The following LMTK2 variants were observed in gnomAD, a reference collection of about 807,000 sequenced individuals.
The protein encoded by LMTK2 is lemur tail kinase 2, also known as serine/threonine-protein kinase LMTK2.
LMTK2 carries 37 observed loss-of-function variants against 127.5 expected under a neutral mutation model. That is an observed-to-expected ratio of 0.29 (90% CI 0.22 to 0.38). The LOEUF is 0.38. Among genes scored for constraint, LMTK2 ranks in the 10% least tolerant of loss-of-function variants. LMTK2 has a pLI of 1.00. For missense variants in LMTK2, 1,694 were observed against 1,920.3 expected (o/e 0.88, Z 2.20); for synonymous variants, 819 against 810.1 (o/e 1.01, Z -0.19).
intron 1 of LMTK2, among the ~76,000 whole-genome samples, chr7:98,110,976 A>G (rs1184780659): frequency 2.0e-5 from 3 of 152,264 alleles, no homozygotes; most frequent in Non-Finnish European, 4.4e-5. Flanking sequence ...TGTGTTTAAC[A>G]GCCTCTGGGA....
At chr7:98,180,104 A>T (rs1428309542) in intron 7 of LMTK2, among the ~76,000 whole-genome samples, 7 of 137,586 alleles carry the variant, frequency 5.1e-5, no homozygotes, top group African/African-American at 2.5e-4. Context: ...CTTGTGAAGT[A>T]AGTATTTTTT....
intron 4 of LMTK2, among the ~76,000 whole-genome samples, 155 bp downstream of exon 4, chr7:98,151,610 G>A (rs751803781): frequency 1.6e-4 from 25 of 152,250 alleles, no homozygotes; most frequent in Non-Finnish European, 2.9e-4. Context: ...GCGTGGGGGC[G>A]TGAGCTTCAG....
intron 1 of LMTK2, among the ~76,000 whole-genome samples, chr7:98,136,854 G>A (rs1054669257): frequency 5.3e-5 from 8 of 152,230 alleles, no homozygotes; most frequent in Non-Finnish European, 1.2e-4. Flanking sequence ...TATGAAATGC[G>A]AGGAAAGACG....
At chr7:98,199,861 C>T (rs547399539) in intron 11 of LMTK2, among the ~76,000 whole-genome samples, 1 of 152,148 alleles carries the variant, frequency 6.6e-6, no homozygotes, top group Non-Finnish European at 1.5e-5. Flanking sequence ...CTACCTGTAT[C>T]ATTATATTTG....
intron 4 of LMTK2, among the ~76,000 whole-genome samples, chr7:98,152,410 G>A (rs565246564): frequency 6.6e-5 from 10 of 152,176 alleles, no homozygotes; most frequent in Non-Finnish European, 1.2e-4. Flanking sequence ...TCCCTTCAGC[G>A]TTGTCTGTAT....
chr7:98,152,148 G>A (rs1015044459), intron 4 of LMTK2, among the ~76,000 whole-genome samples: 1 of 152,122 alleles, frequency 6.6e-6, no homozygotes, highest in Non-Finnish European at 1.5e-5. Context: ...TGTAAATACA[G>A]TCTTACAATG....
At chr7:98,154,907 A>ACT (rs1395579624) in intron 5 of LMTK2, 31 bp downstream of exon 5, 1 of 1,277,028 alleles carries the variant, frequency 7.8e-7, no homozygotes, top group Middle Eastern at 1.9e-4. Flanking sequence ...GTTCTGTAAG[A>ACT]CTAGTCTGTG....
chr7:98,109,049 A>G (rs1337272355), intron 1 of LMTK2, among the ~76,000 whole-genome samples: 1 of 151,564 alleles, frequency 6.6e-6, no homozygotes, highest in Non-Finnish European at 1.5e-5. Context: ...TTTAGTAGAG[A>G]CGGGTTTCAT....
rs751267617 is a variant in LMTK2 at position 98,192,848 on chromosome 7, G to A, written c.2383G>A (p.Asp795Asn). 1 of 1,614,098 alleles carries A rather than the reference G, an allele frequency of 6.2e-7. No individual in the cohort carries two copies. The highest frequency in any genetic ancestry group is 1.1e-5 in the South Asian group (1 of 91,072). Residue 795 changes from aspartate (D) to asparagine (N), a missense_variant, in exon 11 of 14, where the codon GAT (aspartate) becomes AAT (asparagine). Physicochemically the swap from Asp to Asn is conservative, Grantham distance 23. Coordinates refer to ENST00000297293, the MANE Select transcript of LMTK2 (RefSeq NM_014916.4). The part of the protein sequence containing the change: ...ENVSTKGDDT[D>N]VMLTGDTLST... The stretch of plus-strand genomic sequence containing the variant: ...CGTAAGCACAAAGGGTGACGATACA[G>A]ATGTCATGCTCACAGGTGACACTTT...
chr7:98,136,052 C>A (rs978856988), intron 1 of LMTK2, among the ~76,000 whole-genome samples: 1 of 151,754 alleles, frequency 6.6e-6, no homozygotes, highest in Non-Finnish European at 1.5e-5. Flanking sequence ...ATATGAGGAG[C>A]CTGGAGCTTC....
chr7:98,194,254 G>C lies in LMTK2; in HGVS notation c.3789G>C (p.Gly1263=). The part of the protein sequence containing the change: ...GPKLKEPDIE[G]KYLGKLGVSG... ...AGTTGAAGGAGCCGGACATCGAAGG[G>C]AAGTACCTGGGGAAACTCGGGGTGT... Residue 1263 remains glycine (G), a synonymous_variant, in exon 11 of 14, where the codon GGG becomes GGC. Transcript: ENST00000297293. The surrounding 1 kb of genome is among the most constrained non-coding windows in gnomAD (Gnocchi z 5.4). 6.2e-7 allele frequency: 1 copy of C among 1,614,174 alleles called. No homozygotes were observed. Among genetic ancestry groups the C allele is most frequent in the South Asian group, 1.1e-5 (1 of 91,086 alleles).
At chr7:98,163,575 G>A (rs1797045377) in intron 6 of LMTK2, among the ~76,000 whole-genome samples, 1 of 152,216 alleles carries the variant, frequency 6.6e-6, no homozygotes, top group Non-Finnish European at 1.5e-5. Context: ...AGGACTAGGG[G>A]CCTGACAGGG....
At chr7:98,162,427 C>T (rs1797029659) in intron 6 of LMTK2, among the ~76,000 whole-genome samples, 1 of 152,186 alleles carries the variant, frequency 6.6e-6, no homozygotes, top group African/African-American at 2.4e-5. Context: ...TATCCAAATA[C>T]TTAGACTAAG....
intron 1 of LMTK2, among the ~76,000 whole-genome samples, chr7:98,125,288 G>A (rs571447787): frequency 1.9e-4 from 28 of 150,980 alleles, no homozygotes; most frequent in Admixed American, 1.6e-3. Flanking sequence ...GGGTGACAGA[G>A]CGAGACTCCG....
intron 1 of LMTK2, among the ~76,000 whole-genome samples, chr7:98,121,190 A>G (rs1796355949): frequency 6.6e-6 from 1 of 152,184 alleles, no homozygotes; most frequent in South Asian, 2.1e-4. Flanking sequence ...CTGTAGTGCG[A>G]TGCGCATGCA....
chr7:98,180,928 C>T lies in LMTK2; in HGVS notation c.792-4123C>T, dbSNP rs1047217449. 2.6e-5 allele frequency among the ~76,000 whole-genome samples: 4 copies of T among 151,916 alleles called. No homozygotes were observed. In the East Asian group the frequency reaches 5.8e-4, roughly 22 times the overall value. On this transcript the variant is annotated intron_variant, in intron 7 of 13. Coordinates refer to ENST00000297293, the MANE Select transcript of LMTK2 (RefSeq NM_014916.4). ...AGCTGGTTCCGGTTCCGTGAGCGCC[C>T]GGCAGACTGAGGGAGAGAGAGAGAG...
At position 98,187,090 on chromosome 7, in the gene LMTK2, A is replaced by G. The variant is rs1797447125; in HGVS notation, c.998+92A>G. On this transcript the variant is annotated intron_variant, in intron 9 of 13. Coordinates refer to ENST00000297293, the MANE Select transcript of LMTK2 (RefSeq NM_014916.4). ...TACTTCCTTAAAGGAAAGTAGTTGT[A>G]TAAGATGTAGGAACAAAAGAGTATC... 4 of 1,203,908 alleles carry G rather than the reference A, an allele frequency of 3.3e-6. No individual in the cohort carries two copies. The Admixed American group carries it at 9.1e-5, about 27-fold the overall frequency. The allele number at this position is 1,203,908 out of a possible 1,614,324, so 74.6% of individuals were successfully genotyped here.
intron 1 of LMTK2, among the ~76,000 whole-genome samples, chr7:98,130,948 C>T (rs1309662208): frequency 6.6e-6 from 1 of 152,194 alleles, no homozygotes. Context: ...TATCTGCTTT[C>T]TTCCATTTAA....
chr7:98,166,068 C>T (rs749679733), intron 6 of LMTK2, among the ~76,000 whole-genome samples: 2 of 152,250 alleles, frequency 1.3e-5, no homozygotes, highest in Admixed American at 6.5e-5. Flanking sequence ...GGCTGCAGCC[C>T]GGGCACTACG....
Sources: allele counts gnomAD v4.1 joint callset (sites outside exome capture counted in the v4.1 genomes callset), GRCh38; gene constraint gnomAD v4.1.1; non-coding constraint Gnocchi (gnomAD v3.1); transcripts MANE v1.5; gene names NCBI Gene and HGNC (gene_info 2026-07-23, HGNC 2026-07-21).